SUCO: variants seen among roughly 807,000 people sequenced by gnomAD.
SUCO encodes SUN domain-containing ossification factor.
In SUCO, 57 loss-of-function variants were observed where a neutral mutation model predicts 148.1. The ratio of observed to expected loss-of-function variants is 0.38; its 90% confidence interval spans 0.31 to 0.48. The LOEUF (loss-of-function observed/expected upper bound fraction) is 0.48. Ranked by LOEUF, SUCO falls within the 20% of genes least tolerant of loss-of-function variation. The pLI, the probability that SUCO is intolerant of heterozygous loss-of-function variation, is 0.96. For missense variants in SUCO, 1,331 were observed against 1,468.2 expected (o/e 0.91, Z 1.53); for synonymous variants, 470 against 502.7 (o/e 0.93, Z 0.87).
At chr1:172,601,498 C>CAAAAA (rs10633040) in intron 20 of SUCO, among the ~76,000 whole-genome samples, 1 of 115,106 alleles carries the variant, frequency 8.7e-6, no homozygotes, top group Non-Finnish European at 1.9e-5. Context: ...GGCTCTGTCT[C>CAAAAA]AAAAAAAAAA....
At chr1:172,563,840 C>T (rs1301910555) in intron 6 of SUCO, among the ~76,000 whole-genome samples, 2 of 152,216 alleles carry the variant, frequency 1.3e-5, no homozygotes, top group Admixed American at 1.3e-4. Flanking sequence ...CCTCCCATCG[C>T]AGGCCAGGAG....
In SUCO at chr1:172,562,792, G is replaced by C. The variant is rs998391085; in HGVS notation, c.732+4998G>C. 3.3e-5 allele frequency among the ~76,000 whole-genome samples: 5 copies of C among 152,166 alleles called. No individual in the cohort carries two copies. The South Asian group carries it at 6.2e-4, about 19-fold the overall frequency. Reference sequence around the variant, plus strand: ...CATGCTTGAATTTTCTTACTTGTCTGATATGGTTTAGCTCTGTGTCGCCAC... The same window carrying C: ...CATGCTTGAATTTTCTTACTTGTCTCATATGGTTTAGCTCTGTGTCGCCAC... On this transcript the variant is annotated intron_variant, in intron 6 of 23. Coordinates refer to ENST00000263688, the MANE Select transcript of SUCO (RefSeq NM_014283.5).
chr1:172,570,930 G>T lies in SUCO; in HGVS notation c.1049+200G>T, dbSNP rs1654917608. ...CAAAAAGCAAAAAATGGCAGATCTG[G>T]TTAAACAATTATGAAATGGTATAAA... On this transcript the variant is annotated intron_variant, in intron 9 of 23. Coordinates refer to ENST00000263688, the MANE Select transcript of SUCO (RefSeq NM_014283.5). The T allele has an allele frequency of 3.2e-5, 15 of 472,416 alleles. No individual in the cohort carries two copies. The South Asian group carries it at 5.0e-4, about 16-fold the overall frequency. 29.3% of individuals were successfully genotyped at this position (472,416 alleles called of 1,614,324 possible).
intron 4 of SUCO, among the ~76,000 whole-genome samples, chr1:172,556,336 T>C (rs1653757209): frequency 6.6e-6 from 1 of 152,222 alleles, no homozygotes; most frequent in Non-Finnish European, 1.5e-5. Context: ...TTGAATTCCC[T>C]ATAATTATCA....
chr1:172,554,965 G>A (rs1266970471), intron 3 of SUCO, among the ~76,000 whole-genome samples: 1 of 151,884 alleles, frequency 6.6e-6, no homozygotes, highest in Non-Finnish European at 1.5e-5. Flanking sequence ...ATGTTTGTTT[G>A]TGCTCTTGTA....
chr1:172,555,575 T>G (rs372126081), intron 3 of SUCO, among the ~76,000 whole-genome samples: 27 of 152,302 alleles, frequency 1.8e-4, no homozygotes, highest in African/African-American at 6.5e-4. Context: ...ATTCATCAAT[T>G]AGAGAAGAGG....
chr1:172,536,374 A>C (rs1652015298), intron 1 of SUCO, among the ~76,000 whole-genome samples: 2 of 152,188 alleles, frequency 1.3e-5, no homozygotes, highest in Non-Finnish European at 2.9e-5. Context: ...CAGAATGGGG[A>C]AATTGATCCA....
At chr1:172,542,590 A>G (rs972371348) in intron 1 of SUCO, 1 of 228,866 alleles carries the variant, frequency 4.4e-6, no homozygotes. Flanking sequence ...CATGAACCCT[A>G]CTATGAACCA....
chr1:172,596,759 T>G (rs1304335495), intron 19 of SUCO, among the ~76,000 whole-genome samples: 2 of 152,234 alleles, frequency 1.3e-5, no homozygotes, highest in Admixed American at 1.3e-4. Context: ...GGAGGCAGTC[T>G]GTTCATTCTC....
intron 19 of SUCO, among the ~76,000 whole-genome samples, chr1:172,591,642 G>T (rs1199884386): frequency 6.6e-6 from 1 of 151,940 alleles, no homozygotes; most frequent in Admixed American, 6.6e-5. Flanking sequence ...GTATTCCATG[G>T]TGTATATGTG....
intron 1 of SUCO, among the ~76,000 whole-genome samples, chr1:172,534,868 C>T (rs1056166691): frequency 7.2e-5 from 11 of 152,080 alleles, no homozygotes; most frequent in African/African-American, 2.7e-4. Flanking sequence ...ATCTTTAAAC[C>T]ATGTTATTCA....
chr1:172,541,927 T>A, intron 1 of SUCO: 1 of 794,282 alleles, frequency 1.3e-6, no homozygotes, highest in Non-Finnish European at 1.5e-6. Flanking sequence ...TTGTTTGTTT[T>A]AACTTGGGCA....
Position 172,602,085 on chromosome 1 carries a change from C to T in SUCO, c.3040C>T (p.Leu1014Phe). 6.2e-7 allele frequency: 1 copy of T among 1,610,280 alleles called. No individual in the cohort carries two copies. Among genetic ancestry groups the T allele is most frequent in the South Asian group, 1.1e-5 (1 of 89,990 alleles). ...TCAGGTTTCAGATCGACAAAGCTAT[C>T]TTGTCATATCTTTGGTTCTTTGTGT... is the stretch of plus-strand genomic sequence containing the variant. The part of the protein sequence containing the change: ...KREVSDRQSY[L>F]VISLVLCVVL... The change falls in exon 21 of 24, where the codon CTT becomes TTT. Residue 1014 changes from leucine to phenylalanine, a missense_variant. Coordinates refer to ENST00000263688, the MANE Select transcript of SUCO (RefSeq NM_014283.5).
At chr1:172,547,431 C>T (rs1025245020) in intron 1 of SUCO, among the ~76,000 whole-genome samples, 18 of 152,262 alleles carry the variant, frequency 1.2e-4, no homozygotes, top group Non-Finnish European at 1.9e-4. Context: ...ACTGCTGAAA[C>T]GGATATTATA....
intron 6 of SUCO, among the ~76,000 whole-genome samples, chr1:172,560,092 G>C (rs1453394548): frequency 1.3e-5 from 2 of 152,180 alleles, no homozygotes; most frequent in African/African-American, 4.8e-5. Context: ...ATAACTGATA[G>C]GGGCCCAGAG....
chr1:172,596,449 G>C (rs75568575), intron 19 of SUCO, among the ~76,000 whole-genome samples: 2 of 152,298 alleles, frequency 1.3e-5, no homozygotes, highest in South Asian at 4.1e-4. Context: ...TGATGGTAAC[G>C]TACAGATGGG....
Position 172,577,570 on chromosome 1 carries a change from T to G in SUCO, c.1284+11T>G, listed in dbSNP as rs1655541320. The G allele has an allele frequency of 6.2e-7, 1 of 1,610,862 alleles. No individual in the cohort carries two copies. The highest frequency in any genetic ancestry group is 8.5e-7 in the Non-Finnish European group (1 of 1,178,368). On this transcript the variant is annotated intron_variant, in intron 12 of 23. Transcript: ENST00000263688. Reference sequence around the variant, plus strand: ...ATCAAGTACATAAAGGTTAGCAACCTTCTCTTTTGCACTATTAAATAACAG... The same window carrying G: ...ATCAAGTACATAAAGGTTAGCAACCGTCTCTTTTGCACTATTAAATAACAG...
At chr1:172,533,572 G>A in intron 1 of SUCO, 75 bp downstream of exon 1, 2 of 1,441,290 alleles carry the variant, frequency 1.4e-6, no homozygotes, top group East Asian at 2.5e-5. Flanking sequence ...CACACCCCCT[G>A]GTCATTTTGG....
intron 1 of SUCO, among the ~76,000 whole-genome samples, chr1:172,536,569 C>T (rs766576128): frequency 9.2e-5 from 14 of 152,160 alleles, no homozygotes; most frequent in Non-Finnish European, 1.8e-4. Flanking sequence ...ACCAGCTTGT[C>T]TTGGTTTTAA....
Sources: allele counts gnomAD v4.1 joint callset (sites outside exome capture counted in the v4.1 genomes callset), GRCh38; gene constraint gnomAD v4.1.1; transcripts MANE v1.5; gene names NCBI Gene and HGNC (gene_info 2026-07-23, HGNC 2026-07-21).